Variants in CSF2RA observed in about 807,000 individuals in gnomAD.
CSF2RA encodes the protein granulocyte-macrophage colony-stimulating factor receptor subunit alpha.
In CSF2RA, 42 loss-of-function variants were observed where a neutral mutation model predicts 51.6. That is an observed-to-expected ratio of 0.81 (90% confidence interval 0.64 to 1.05). The LOEUF is 1.05. Among genes scored for constraint, CSF2RA ranks in the 50% least tolerant of loss-of-function variants. CSF2RA has a pLI of 0.00. For missense variants in CSF2RA, 530 were observed against 501.1 expected (o/e 1.06, Z -0.55); for synonymous variants, 222 against 193.0 (o/e 1.15, Z -1.24).
intron 11 of CSF2RA, among the ~76,000 whole-genome samples, chrX:1,304,976 G>A (rs1222522920): frequency 6.7e-6 from 1 of 148,550 alleles, no homozygotes; most frequent in Non-Finnish European, 1.5e-5. Flanking sequence ...AGTTCCTTAA[G>A]ATGTTTGTCA....
chrX:1,285,837 A>T lies in CSF2RA; in HGVS notation c.136A>T (p.Asn46Tyr). ...TGTGAGGTTTGACTCCAGGACGATG[A>T]ATTTAAGCTGGGACTGCCAAGAAAA... ...LNVRFDSRTM[N>Y]LSWDCQENTT... The change falls in exon 4 of 13, where the codon AAT becomes TAT. Residue 46 changes from asparagine to tyrosine, a missense_variant. Physicochemically the swap from Asn to Tyr is moderately radical, Grantham distance 143 (BLOSUM62 -2). Transcript: ENST00000381529. 6.2e-7 allele frequency: 1 copy of T among 1,613,886 alleles called. No homozygotes were observed. Among genetic ancestry groups the T allele is most frequent in the East Asian group, 2.2e-5 (1 of 44,884 alleles).
At chrX:1,291,113 T>C (rs2091350394) in intron 7 of CSF2RA, among the ~76,000 whole-genome samples, 1 of 151,836 alleles carries the variant, frequency 6.6e-6, no homozygotes, top group South Asian at 2.1e-4. Flanking sequence ...GTAGAGGCAG[T>C]GTTTCACCAT....
At chrX:1,268,924 C>T (rs1361265692) in intron 1 of CSF2RA, 45 bp downstream of exon 1, 1 of 453,642 alleles carries the variant, frequency 2.2e-6, no homozygotes, top group Non-Finnish European at 4.4e-6. Flanking sequence ...CATGTCGAGT[C>T]ACCCGGGTAC....
At chrX:1,283,734 A>AT (rs1172741391) in intron 3 of CSF2RA, among the ~76,000 whole-genome samples, 1 of 151,288 alleles carries the variant, frequency 6.6e-6, no homozygotes, top group East Asian at 1.9e-4. Flanking sequence ...GGCCCAGCTA[A>AT]TTTTTTTGTA....
intron 7 of CSF2RA, among the ~76,000 whole-genome samples, chrX:1,291,281 T>TCTTC (rs1218092149): frequency 2.9e-4 from 17 of 59,440 alleles, no homozygotes; most frequent in Non-Finnish European, 5.6e-4. Context: ...TCTTCTTTTT[T>TCTTC]CTTCCTTCCT....
chrX:1,298,841 C>G (rs1407715015), intron 9 of CSF2RA, among the ~76,000 whole-genome samples: 2 of 152,124 alleles, frequency 1.3e-5, no homozygotes, highest in Non-Finnish European at 2.9e-5. Context: ...CTCACCTCCC[C>G]CTAGACCCAG....
At chrX:1,310,632 C>CA (rs2084131434), downstream of CSF2RA, among the ~76,000 whole-genome samples, 1 of 148,654 alleles carries the variant, frequency 6.7e-6, no homozygotes, top group Non-Finnish European at 1.5e-5. Flanking sequence ...CACAACACCG[C>CA]ACTCCAGCGT....
rs774464470 is a variant in CSF2RA, at chrX:1,305,691, G to A, written c.1125+164G>A. ...GTATCCCACTCCTGGGCCTTCTCCC[G>A]GGTCGGGGTCTTCTCCAAGGTTGGG... is the stretch of plus-strand genomic sequence containing the variant. On this transcript the variant is annotated intron_variant, in intron 12 of 12. Coordinates refer to ENST00000381529, the MANE Select transcript of CSF2RA (RefSeq NM_172245.4). 92 of 1,566,054 alleles carry A rather than the reference G, an allele frequency of 5.9e-5. No homozygotes were observed. The African/African-American group carries it at 8.0e-4, about 14-fold the overall frequency.
chrX:1,273,241 A>G (rs751459339), intron 1 of CSF2RA, among the ~76,000 whole-genome samples: 10 of 151,682 alleles, frequency 6.6e-5, no homozygotes, highest in East Asian at 3.9e-4. Context: ...TTACTTTCCA[A>G]CCTGACTCTG....
intron 9 of CSF2RA, among the ~76,000 whole-genome samples, chrX:1,299,001 A>C (rs1433717906): frequency 1.3e-5 from 2 of 152,170 alleles, no homozygotes; most frequent in African/African-American, 2.4e-5. Context: ...TGGGACTCTT[A>C]GTGCCAGTGT....
downstream of CSF2RA, among the ~76,000 whole-genome samples, chrX:1,314,965 C>CCTCTGTGCCTGCCCAACCA (rs2084497842): frequency 1.8e-5 from 1 of 54,936 alleles, no homozygotes; most frequent in Admixed American, 1.6e-4. Context: ...CTGCCCAACC[C>CCTCTGTGCCTGCCCAACCA]CACTGTGCCT....
intron 12 of CSF2RA, among the ~76,000 whole-genome samples, chrX:1,307,281 T>C (rs2083669893): frequency 1.3e-5 from 2 of 152,308 alleles, no homozygotes; most frequent in South Asian, 2.1e-4. Flanking sequence ...CTTTAGACGT[T>C]TGACTGATTA....
downstream of CSF2RA, among the ~76,000 whole-genome samples, chrX:1,315,203 G>C (rs1217187432): frequency 6.6e-6 from 1 of 151,998 alleles, no homozygotes; most frequent in Non-Finnish European, 1.5e-5. Flanking sequence ...CAGATTCTAT[G>C]ATGAGGACAG....
At chrX:1,297,043 G>A (rs2092009669) in intron 9 of CSF2RA, among the ~76,000 whole-genome samples, 1 of 60,492 alleles carries the variant, frequency 1.7e-5, no homozygotes, top group Non-Finnish European at 3.1e-5. Flanking sequence ...GAACCCTACA[G>A]TCCCCTACTC....
intron 3 of CSF2RA, among the ~76,000 whole-genome samples, chrX:1,285,434 C>T (rs1459685546): frequency 7.2e-5 from 11 of 151,890 alleles, no homozygotes; most frequent in Admixed American, 2.0e-4. Flanking sequence ...TGGCTCACGC[C>T]TGTTATCCCA....
the CSF2RA span, among the ~76,000 whole-genome samples, chrX:1,323,304 G>A: frequency 6.8e-3 from 1,015 of 149,704 alleles, 12 homozygotes; most frequent in African/African-American, 0.023. Flanking sequence ...ACCTGAGGTC[G>A]GGAGTTCAAG....
intron 1 of CSF2RA, among the ~76,000 whole-genome samples, chrX:1,271,017 C>T (rs2088326721): frequency 6.6e-6 from 1 of 150,442 alleles, no homozygotes; most frequent in African/African-American, 2.5e-5. Context: ...TTCCCCCATC[C>T]CTCGTGTATA....
chrX:1,314,528 C>CCACTGCACCTGCCCAACCG (rs2084406903), downstream of CSF2RA, among the ~76,000 whole-genome samples: 1 of 86,376 alleles, frequency 1.2e-5, no homozygotes. Flanking sequence ...CTGCCCAATC[C>CCACTGCACCTGCCCAACCG]CACTGCACCT....
At chrX:1,286,910 A>AAC (rs2090744104) in intron 4 of CSF2RA, among the ~76,000 whole-genome samples, 1 of 152,018 alleles carries the variant, frequency 6.6e-6, no homozygotes, top group Non-Finnish European at 1.5e-5. Context: ...GGGTTTTTGG[A>AAC]ACACAGGAGA....
Sources: gnomAD v4.1 joint callset for allele counts (sites outside exome capture counted in the v4.1 genomes callset) on GRCh38, gnomAD v4.1.1 for gene constraint, MANE v1.5 for transcripts, NCBI Gene and HGNC (gene_info 2026-07-23, HGNC 2026-07-21) for gene names.